The following PRKN variants were observed in gnomAD, a reference collection of about 807,000 sequenced individuals.
PRKN encodes the protein E3 ubiquitin-protein ligase parkin.
PRKN carries 56 observed loss-of-function variants against 59.5 expected under a neutral mutation model. The observed-to-expected ratio is 0.94, with a 90% confidence interval of 0.76 to 1.18. PRKN has a LOEUF of 1.18. Ranked by LOEUF, PRKN falls within the 50% of genes most tolerant of loss-of-function variation. The probability of loss-of-function intolerance (pLI) is 0.00; values close to 1 mark genes in which losing one functional copy is unlikely to be tolerated. For missense variants in PRKN, 657 were observed against 596.4 expected, an observed-to-expected ratio of 1.10 and a Z score of -1.06; for synonymous variants, 250 against 222.1, an observed-to-expected ratio of 1.13 and a Z score of -1.12.
At chr6:161,948,204 C>T (rs1214554234) in intron 6 of PRKN, among the ~76,000 whole-genome samples, 1 of 152,130 alleles carries the variant, frequency 6.6e-6, no homozygotes, top group Non-Finnish European at 1.5e-5. Context: ...CCAGGCTGGT[C>T]TTGAACTCCT....
rs138987719 is a variant in PRKN at position 162,058,520 on chromosome 6, G to A, written c.535-4346C>T. Among the ~76,000 whole-genome samples, 701 of 152,290 alleles carry A rather than the reference G, an allele frequency of 4.6e-3. 4 individuals carry two copies. Among genetic ancestry groups the A allele is most frequent in the African/African-American group, 0.016 (673 of 41,568 alleles). On this transcript the variant is annotated intron_variant, in intron 4 of 11. Transcript: ENST00000366898. ...GCTTGAGGCACCGAAAAGTCCCTGC[G>A]TTTAAAAGAAATCCATTTCGCTGTG...
At chr6:162,591,891 AG>A (rs1781323396) in intron 1 of PRKN, among the ~76,000 whole-genome samples, 2 of 147,392 alleles carry the variant, frequency 1.4e-5, no homozygotes, top group South Asian at 4.4e-4. Context: ...CTGAACTGCT[AG>A]AAAAAAAAAA....
intron 3 of PRKN, among the ~76,000 whole-genome samples, chr6:162,209,369 G>A (rs1785093553): frequency 6.6e-6 from 1 of 152,110 alleles, no homozygotes; most frequent in Non-Finnish European, 1.5e-5. Flanking sequence ...ATCGTCACTG[G>A]TCATCAGAGA....
intron 6 of PRKN, among the ~76,000 whole-genome samples, chr6:161,935,114 C>A (rs916226776): frequency 2.5e-5 from 3 of 118,598 alleles, no homozygotes; most frequent in Non-Finnish European, 5.4e-5. Flanking sequence ...GCCCTTTCTG[C>A]CCACCATATG....
chr6:162,725,732 C>T (rs1314827732), intron 1 of PRKN, among the ~76,000 whole-genome samples: 4 of 150,328 alleles, frequency 2.7e-5, no homozygotes, highest in African/African-American at 7.4e-5. Context: ...CACTGCACTC[C>T]GGCCTGGGTG....
rs1349120873 is a variant in PRKN, at chr6:162,046,000, AT to A, written c.618+8090del. ...TCTTTGCTCTAGTTCTCAGAATCTCATTTATAAATCTATTTGAAATTATCTT... is the reference window on the plus strand; with the variant it reads ...TCTTTGCTCTAGTTCTCAGAATCTCATTATAAATCTATTTGAAATTATCTT... On this transcript the variant is annotated intron_variant, in intron 5 of 11. Coordinates refer to ENST00000366898, the MANE Select transcript of PRKN (RefSeq NM_004562.3). 6.6e-5 allele frequency among the ~76,000 whole-genome samples: 10 copies of A among 152,318 alleles called. 1 individual carries two copies. The highest frequency in any genetic ancestry group is 2.9e-5 in the Non-Finnish European group (2 of 68,028).
chr6:161,710,373 C>T (rs983036432), intron 7 of PRKN, among the ~76,000 whole-genome samples: 4 of 152,098 alleles, frequency 2.6e-5, no homozygotes, highest in African/African-American at 7.2e-5. Flanking sequence ...GTTGAAAATA[C>T]CATTTGTGAC....
intron 9 of PRKN, among the ~76,000 whole-genome samples, chr6:161,542,719 A>G (rs1353288830): frequency 6.6e-6 from 1 of 152,172 alleles, no homozygotes; most frequent in African/African-American, 2.4e-5. Context: ...AGTACCAACA[A>G]GATTTGATTC....
chr6:162,687,428 C>T (rs1777612111), intron 1 of PRKN, among the ~76,000 whole-genome samples: 1 of 152,086 alleles, frequency 6.6e-6, no homozygotes. Flanking sequence ...TCGTGATCCA[C>T]CCGCCTTGGC....
chr6:162,288,193 C>T (rs986816150), intron 2 of PRKN, among the ~76,000 whole-genome samples: 9 of 152,146 alleles, frequency 5.9e-5, no homozygotes, highest in African/African-American at 2.2e-4. Flanking sequence ...ACTCTTCTGC[C>T]CACATCCTAT....
chr6:161,782,626 G>A (rs1269145483), intron 7 of PRKN, among the ~76,000 whole-genome samples: 1 of 152,246 alleles, frequency 6.6e-6, no homozygotes, highest in East Asian at 1.9e-4. Flanking sequence ...AGGTGCAGTG[G>A]CTCATGCCTG....
chr6:161,630,529 C>A (rs894139120), intron 7 of PRKN, among the ~76,000 whole-genome samples: 2 of 152,158 alleles, frequency 1.3e-5, no homozygotes, highest in Non-Finnish European at 2.9e-5. Context: ...TTAAATCTTC[C>A]TGTACTTCCA....
chr6:161,719,820 C>T (rs1349119064), intron 7 of PRKN, among the ~76,000 whole-genome samples: 4 of 152,276 alleles, frequency 2.6e-5, no homozygotes, highest in African/African-American at 7.2e-5. Context: ...TTTGTAGAGA[C>T]GGTTTCTCGC....
intron 7 of PRKN, among the ~76,000 whole-genome samples, chr6:161,740,465 C>A (rs1357069450): frequency 6.6e-6 from 1 of 152,166 alleles, no homozygotes; most frequent in Non-Finnish European, 1.5e-5. Flanking sequence ...CTCAGTTTAC[C>A]CCAGGCAGTC....
At chr6:162,430,247 T>C (rs73037809) in intron 2 of PRKN, among the ~76,000 whole-genome samples, 23,791 of 152,088 alleles carry the variant, frequency 0.16, 2,191 homozygotes, top group East Asian at 0.43. Flanking sequence ...CAAGGCACTC[T>C]TGTAAGTATT....
intron 2 of PRKN, among the ~76,000 whole-genome samples, chr6:162,404,369 G>GAAAA (rs1242287906): frequency 7.5e-6 from 1 of 133,908 alleles, no homozygotes; most frequent in African/African-American, 2.7e-5. Flanking sequence ...GACTCTGTCA[G>GAAAA]AAAAAAAAAA....
chr6:162,479,808 C>T lies in PRKN; in HGVS notation c.8-36335G>A, dbSNP rs561055071. Among the ~76,000 whole-genome samples, 6 of 151,814 alleles carry T rather than the reference C, an allele frequency of 4.0e-5. No individual in the cohort carries two copies. In the East Asian group the frequency reaches 1.2e-3, roughly 30 times the overall value. On this transcript the variant is annotated intron_variant, in intron 1 of 11. Coordinates refer to ENST00000366898, the MANE Select transcript of PRKN (RefSeq NM_004562.3). Reference sequence around the variant, plus strand: ...AGGAGCCAGGCGCAGTGGCTCACGCCTGTAATCCAGCACTTTGGGAGGTCG... The same window carrying T: ...AGGAGCCAGGCGCAGTGGCTCACGCTTGTAATCCAGCACTTTGGGAGGTCG...
intron 1 of PRKN, among the ~76,000 whole-genome samples, chr6:162,681,610 G>T (rs934531198): frequency 6.6e-6 from 1 of 152,120 alleles, no homozygotes; most frequent in Non-Finnish European, 1.5e-5. Flanking sequence ...CAAAATGATT[G>T]TGGGCCAAGC....
intron 6 of PRKN, among the ~76,000 whole-genome samples, chr6:161,817,071 T>A (rs1583202126): frequency 6.6e-6 from 1 of 152,286 alleles, no homozygotes. Context: ...GTGCTTCGAT[T>A]TGCCCAGGAG....
Sources: allele counts gnomAD v4.1 joint callset (sites outside exome capture counted in the v4.1 genomes callset), GRCh38; gene constraint gnomAD v4.1.1; transcripts MANE v1.5; gene names NCBI Gene and HGNC (gene_info 2026-07-23, HGNC 2026-07-21).